RIMS1: variants seen among roughly 807,000 people sequenced by gnomAD.
The protein encoded by RIMS1 is regulating synaptic membrane exocytosis 1.
Under a neutral mutation model 214.1 loss-of-function variants are expected in RIMS1, and 83 were observed. The observed-to-expected ratio is 0.39, with a 90% confidence interval of 0.32 to 0.47. The LOEUF is 0.47. Among genes scored for constraint, RIMS1 ranks in the 20% least tolerant of loss-of-function variants. The probability of loss-of-function intolerance (pLI) is 0.99; values close to 1 mark genes in which losing one functional copy is unlikely to be tolerated. For missense variants in RIMS1, 2,050 were observed against 2,161.8 expected (o/e 0.95, Z 1.03); for synonymous variants, 793 against 786.8 (o/e 1.01, Z -0.13).
intron 4 of RIMS1, among the ~76,000 whole-genome samples, chr6:72,123,777 A>G (rs139829295): frequency 0.014 from 2,158 of 151,848 alleles, 55 homozygotes; most frequent in South Asian, 0.04. Flanking sequence ...CTGTTTTATC[A>G]GAGACTAGGA....
intron 4 of RIMS1, among the ~76,000 whole-genome samples, chr6:72,167,134 C>A (rs2046375890): frequency 6.6e-6 from 1 of 151,600 alleles, no homozygotes; most frequent in African/African-American, 2.4e-5. Context: ...AGCATTTTTT[C>A]TCATTAAAAG....
chr6:71,992,359 T>G (rs979257385), intron 2 of RIMS1, among the ~76,000 whole-genome samples: 11 of 152,104 alleles, frequency 7.2e-5, no homozygotes, highest in African/African-American at 2.2e-4. Flanking sequence ...TAGTTTAATC[T>G]TTTTTCCTTT....
At chr6:72,396,392 A>G (rs965227561) in intron 31 of RIMS1, among the ~76,000 whole-genome samples, 1 of 152,208 alleles carries the variant, frequency 6.6e-6, no homozygotes, top group Admixed American at 6.5e-5. Flanking sequence ...ATACACTACT[A>G]TTAGAAGCAT....
intron 6 of RIMS1, among the ~76,000 whole-genome samples, chr6:72,231,063 T>C (rs1043650929): frequency 3.3e-5 from 5 of 151,654 alleles, no homozygotes; most frequent in African/African-American, 1.2e-4. Context: ...TAATCAACTA[T>C]TAGAAAAGTG....
rs4296856 is a variant in RIMS1 at position 72,123,386 on chromosome 6, T to C, written c.471+23400T>C. 9.5e-3 allele frequency among the ~76,000 whole-genome samples: 1,439 copies of C among 152,032 alleles called. 33 individuals carry two copies. The highest frequency in any genetic ancestry group is 0.032 in the African/African-American group (1,319 of 41,532). On this transcript the variant is annotated intron_variant, in intron 4 of 33. Coordinates refer to ENST00000521978, the MANE Select transcript of RIMS1 (RefSeq NM_014989.7). Reference sequence around the variant, plus strand: ...TTACATTTGCTGAGGACTGCTTTACTTCCCACCATGTGGTCAGTTTTGGAA... The same window carrying C: ...TTACATTTGCTGAGGACTGCTTTACCTCCCACCATGTGGTCAGTTTTGGAA...
At chr6:72,374,137 T>A (rs753977643) in intron 29 of RIMS1, among the ~76,000 whole-genome samples, 57 of 152,074 alleles carry the variant, frequency 3.7e-4, no homozygotes, top group Admixed American at 2.0e-4. Context: ...ATGGTCTCGA[T>A]CTCTTGACCT....
chr6:72,146,742 A>G (rs567921430), intron 4 of RIMS1, among the ~76,000 whole-genome samples: 1 of 152,344 alleles, frequency 6.6e-6, no homozygotes, highest in Non-Finnish European at 1.5e-5. Flanking sequence ...CTAGACAAAA[A>G]TTTATATTCC....
Position 72,309,404 on chromosome 6 carries a change from A to C in RIMS1, c.3963+2034A>C, listed in dbSNP as rs1321752802. Among the ~76,000 whole-genome samples the C allele has an allele frequency of 2.0e-5, 3 of 152,102 alleles. No homozygotes were observed. In the East Asian group the frequency reaches 5.8e-4, roughly 29 times the overall value. ...TCAGAATGAAAGAGGTAATTAATTAAAATTTGTGTTAAAATTAGTAGAGCC... is the reference window on the plus strand; with the variant it reads ...TCAGAATGAAAGAGGTAATTAATTACAATTTGTGTTAAAATTAGTAGAGCC... On this transcript the variant is annotated intron_variant, in intron 27 of 33. Coordinates refer to ENST00000521978, the MANE Select transcript of RIMS1 (RefSeq NM_014989.7).
chr6:72,135,147 G>A lies in RIMS1; in HGVS notation c.471+35161G>A, dbSNP rs117448797. 1.9e-3 allele frequency among the ~76,000 whole-genome samples: 283 copies of A among 152,236 alleles called. 5 individuals are homozygous for A. The East Asian group carries it at 0.046, about 25-fold the overall frequency. ...AACAAAGTTAAATGTAAGAAAAGGT[G>A]TTATTAGCAGACCATAACTTTTTAG... On this transcript the variant is annotated intron_variant, in intron 4 of 33. Transcript: ENST00000521978.
chr6:72,312,669 G>A (rs534538693), intron 27 of RIMS1, among the ~76,000 whole-genome samples: 1 of 152,114 alleles, frequency 6.6e-6, no homozygotes, highest in Non-Finnish European at 1.5e-5. Flanking sequence ...TTCTAAGTTA[G>A]TAGGTTAAAT....
intron 2 of RIMS1, among the ~76,000 whole-genome samples, chr6:71,980,859 A>G (rs1798310144): frequency 6.6e-6 from 1 of 152,110 alleles, no homozygotes; most frequent in South Asian, 2.1e-4. Context: ...GACAAGTAAG[A>G]GATAAGACAA....
chr6:72,233,756 C>G lies in RIMS1; in HGVS notation c.1679-17C>G. ...CTTTAATACCATTACACTTTTCATT[C>G]TTTTTGTATTGCACAGGTGATTTGG... On this transcript the variant is annotated splice_polypyrimidine_tract_variant and intron_variant, in intron 6 of 33. Transcript: ENST00000521978. 6.5e-7 allele frequency: 1 copy of G among 1,544,658 alleles called. No individual in the cohort carries two copies. Among genetic ancestry groups the G allele is most frequent in the South Asian group, 1.2e-5 (1 of 84,340 alleles).
chr6:72,356,861 T>C (rs1311740874), intron 29 of RIMS1, among the ~76,000 whole-genome samples: 1 of 152,174 alleles, frequency 6.6e-6, no homozygotes, highest in Admixed American at 6.5e-5. Context: ...CCAAAATATT[T>C]TAGTATAAAA....
At chr6:72,028,477 G>A (rs951050888) in intron 2 of RIMS1, among the ~76,000 whole-genome samples, 1 of 152,094 alleles carries the variant, frequency 6.6e-6, no homozygotes, top group African/African-American at 2.4e-5. Context: ...TCTAGAATCT[G>A]CCAGATAGGC....
chr6:71,891,122 G>T (rs765828842), intron 1 of RIMS1, among the ~76,000 whole-genome samples: 8 of 143,972 alleles, frequency 5.6e-5, no homozygotes, highest in Non-Finnish European at 1.2e-4. Flanking sequence ...TCACAGCAGA[G>T]CCTGGGGCTT....
Position 71,913,613 on chromosome 6 carries a change from A to G in RIMS1, c.164+26426A>G, listed in dbSNP as rs143263472. On this transcript the variant is annotated intron_variant, in intron 1 of 33. Coordinates refer to ENST00000521978, the MANE Select transcript of RIMS1 (RefSeq NM_014989.7). Reference sequence around the variant, plus strand: ...AGGGACTATTCATAGGAGCTTAGAAATGACTCAAGATCTCCCTTTAAGGAG... The same window carrying G: ...AGGGACTATTCATAGGAGCTTAGAAGTGACTCAAGATCTCCCTTTAAGGAG... Among the ~76,000 whole-genome samples the G allele has an allele frequency of 2.6e-4, 40 of 152,294 alleles. No individual in the cohort carries two copies. In the East Asian group the frequency reaches 6.0e-3, roughly 23 times the overall value.
At chr6:71,994,722 G>A (rs1802863485) in intron 2 of RIMS1, among the ~76,000 whole-genome samples, 1 of 152,120 alleles carries the variant, frequency 6.6e-6, no homozygotes, top group African/African-American at 2.4e-5. Flanking sequence ...AAACTGAAGT[G>A]GCAGTCCAGT....
intron 23 of RIMS1, 73 bp downstream of exon 23, chr6:72,274,505 G>C: frequency 2.6e-6 from 3 of 1,161,092 alleles, no homozygotes; most frequent in Non-Finnish European, 3.9e-6. Flanking sequence ...GGATAACCAA[G>C]AGAAAAGTTG....
At chr6:72,061,096 T>C (rs1197822092) in intron 2 of RIMS1, among the ~76,000 whole-genome samples, 1 of 152,198 alleles carries the variant, frequency 6.6e-6, no homozygotes, top group East Asian at 1.9e-4. Context: ...TCTAGAGCCT[T>C]GTATATAATC....
Sources: gnomAD v4.1 joint callset for allele counts (sites outside exome capture counted in the v4.1 genomes callset) on GRCh38, gnomAD v4.1.1 for gene constraint, MANE v1.5 for transcripts, NCBI Gene and HGNC (gene_info 2026-07-23, HGNC 2026-07-21) for gene names.